The following CCDC39 variants were observed in gnomAD, a reference collection of about 807,000 sequenced individuals.
The protein encoded by CCDC39 is coiled-coil domain-containing protein 39.
A neutral mutation model predicts 121.0 loss-of-function variants in CCDC39; 113 were observed. The observed-to-expected ratio is 0.93, with a 90% CI of 0.80 to 1.09. The LOEUF (loss-of-function observed/expected upper bound fraction) is 1.09. Among genes scored for constraint, CCDC39 ranks in the 50% least tolerant of loss-of-function variants. The pLI, the probability that CCDC39 is intolerant of heterozygous loss-of-function variation, is 0.00. For synonymous variants in CCDC39, 349 were observed against 352.2 expected (o/e 0.99, Z 0.10); for missense variants, 1,063 against 1,074.7 (o/e 0.99, Z 0.15).
At chr3:180,667,779 A>T (rs1711925248) in intron 1 of CCDC39, among the ~76,000 whole-genome samples, 1 of 152,180 alleles carries the variant, frequency 6.6e-6, no homozygotes, top group Admixed American at 6.5e-5. Flanking sequence ...CAAAGTTGAC[A>T]TTGGCCAAAA....
intron 1 of CCDC39, among the ~76,000 whole-genome samples, chr3:180,668,863 A>C (rs1361886772): frequency 6.6e-6 from 1 of 152,192 alleles, no homozygotes; most frequent in Non-Finnish European, 1.5e-5. Flanking sequence ...AGGAATTACA[A>C]GAGTTTTAGA....
intron 17 of CCDC39, 23 bp downstream of exon 17, chr3:180,616,803 C>A: frequency 6.2e-7 from 1 of 1,602,502 alleles, no homozygotes; most frequent in South Asian, 1.1e-5. Flanking sequence ...TATGAAAGGT[C>A]AGTTTTTAAA....
At chr3:180,663,236 T>G (rs1440468233) in intron 2 of CCDC39, among the ~76,000 whole-genome samples, 4 of 152,180 alleles carry the variant, frequency 2.6e-5, no homozygotes, top group Non-Finnish European at 5.9e-5. Context: ...TGAGTTGTGC[T>G]GAAAAATTAA....
At position 180,616,347 on chromosome 3, in the gene CCDC39, G is replaced by A. The variant is rs1373867462; in HGVS notation, c.2603C>T (p.Pro868Leu). ...TYFQQSGLEL[P>L]TASTKGSRQS... The stretch of plus-strand genomic sequence containing the variant: ...ACGACTGCCTTTTGTGCTAGCTGTA[G>A]GTAGTTCTAACCCACTCTGGAGGAA... Residue 868 changes from proline to leucine, a missense_variant, in exon 19 of 20, where the codon CCT becomes CTT. By Grantham distance (98) the Pro-to-Leu change is moderately conservative. Transcript: ENST00000476379. 5 of 1,612,638 alleles carry A rather than the reference G, an allele frequency of 3.1e-6. No individual in the cohort carries two copies. Among genetic ancestry groups the A allele is most frequent in the Non-Finnish European group, 4.2e-6 (5 of 1,179,116 alleles).
At chr3:180,641,786 T>C (rs1303765632) in intron 13 of CCDC39, among the ~76,000 whole-genome samples, 3 of 152,264 alleles carry the variant, frequency 2.0e-5, no homozygotes, top group Admixed American at 2.0e-4. Context: ...GTGATCTTAA[T>C]GTAAAAGGGA....
intron 1 of CCDC39, among the ~76,000 whole-genome samples, chr3:180,665,799 T>C (rs1711858832): frequency 6.6e-6 from 1 of 151,922 alleles, no homozygotes; most frequent in South Asian, 2.1e-4. Flanking sequence ...CTCAGAAACA[T>C]GCCTAAGTAT....
chr3:180,646,863 C>A (rs1010449698), intron 11 of CCDC39, among the ~76,000 whole-genome samples: 4 of 151,994 alleles, frequency 2.6e-5, no homozygotes, highest in African/African-American at 9.7e-5. Context: ...AAATAAAATA[C>A]TAGAGGCATG....
intron 1 of CCDC39, among the ~76,000 whole-genome samples, chr3:180,673,663 T>C (rs1381298949): frequency 1.3e-5 from 2 of 152,140 alleles, no homozygotes; most frequent in African/African-American, 2.4e-5. Context: ...ATCTTGAAGG[T>C]AAGCCTACAC....
rs78554230 is a variant in CCDC39, at chr3:180,650,167, G to A, written c.1167+1234C>T. ...GTTCACACTTATAGTTCACTTTGAA[G>A]TTTTCAAAGACGAAGTGGTGCACCA... is the stretch of plus-strand genomic sequence containing the variant. On this transcript the variant is annotated intron_variant, in intron 9 of 19. Transcript: ENST00000476379. Among the ~76,000 whole-genome samples, 1,294 of 152,262 alleles carry A rather than the reference G, an allele frequency of 8.5e-3. 21 individuals carry two copies. The highest frequency in any genetic ancestry group is 0.03 in the African/African-American group (1,238 of 41,548).
intron 14 of CCDC39, among the ~76,000 whole-genome samples, chr3:180,627,107 T>C (rs549171182): frequency 6.6e-6 from 1 of 152,204 alleles, no homozygotes; most frequent in Non-Finnish European, 1.5e-5. Context: ...ACAGTCTGCT[T>C]ATGTGTCACT....
chr3:180,622,309 T>C (rs1717450162), intron 14 of CCDC39, among the ~76,000 whole-genome samples: 1 of 152,118 alleles, frequency 6.6e-6, no homozygotes, highest in Non-Finnish European at 1.5e-5. Context: ...AAGATTTTTT[T>C]TGGTGGAGTT....
intron 12 of CCDC39, among the ~76,000 whole-genome samples, chr3:180,643,064 A>G (rs550063152): frequency 4.0e-5 from 6 of 151,188 alleles, no homozygotes; most frequent in Non-Finnish European, 8.8e-5. Flanking sequence ...GGTTCACGCC[A>G]TTCTCCTGCC....
In CCDC39 at chr3:180,659,342, G is replaced by A. The variant is rs535088288; in HGVS notation, c.738+110C>T. 7 of 1,350,424 alleles carry A rather than the reference G, an allele frequency of 5.2e-6. No homozygotes were observed. The African/African-American group carries it at 8.7e-5, about 17-fold the overall frequency. The allele number at this position is 1,350,424 out of a possible 1,614,324, so 83.7% of individuals were successfully genotyped here. On this transcript the variant is annotated intron_variant, in intron 6 of 19. Transcript: ENST00000476379. ...ATATTTACCAAAACTACTGAATATTGCTACAAAAGTGACTTTCAAATAACA... is the reference window on the plus strand; with the variant it reads ...ATATTTACCAAAACTACTGAATATTACTACAAAAGTGACTTTCAAATAACA...
chr3:180,615,677 A>T (rs1055485461), intron 19 of CCDC39, among the ~76,000 whole-genome samples: 4 of 152,168 alleles, frequency 2.6e-5, no homozygotes, highest in African/African-American at 9.7e-5. Flanking sequence ...TTTAATAAGT[A>T]GCTGCTGAAT....
intron 13 of CCDC39, among the ~76,000 whole-genome samples, chr3:180,636,441 C>G (rs545040672): frequency 1.0e-4 from 15 of 150,726 alleles, no homozygotes; most frequent in African/African-American, 3.4e-4. Flanking sequence ...AAACACTGTT[C>G]AAGGAAATCA....
intron 14 of CCDC39, among the ~76,000 whole-genome samples, chr3:180,628,633 G>A (rs1576935901): frequency 6.6e-6 from 1 of 152,118 alleles, no homozygotes; most frequent in African/African-American, 2.4e-5. Context: ...AGACTTTATG[G>A]GCCATTCAGT....
At chr3:180,658,002 G>A (rs1711625552) in intron 6 of CCDC39, among the ~76,000 whole-genome samples, 1 of 152,070 alleles carries the variant, frequency 6.6e-6, no homozygotes, top group African/African-American at 2.4e-5. Context: ...CACTTTGGGA[G>A]GCGGGTGGAT....
chr3:180,663,864 T>C lies in CCDC39; in HGVS notation c.210+3A>G. 1 of 1,611,780 alleles carries C rather than the reference T, an allele frequency of 6.2e-7. No homozygotes were observed. The stretch of plus-strand genomic sequence containing the variant: ...TAATCAACATAAATTTCAGTTACTG[T>C]ACCTGTGTAATTGAGAGCTCTTGCT... On this transcript the variant is annotated splice_donor_region_variant and intron_variant, in intron 2 of 19. Transcript: ENST00000476379.
intron 14 of CCDC39, among the ~76,000 whole-genome samples, chr3:180,623,085 T>TTAC (rs1415487112): frequency 6.1e-5 from 6 of 98,798 alleles, no homozygotes; most frequent in Admixed American, 5.7e-4. Context: ...ATTTTTATTA[T>TTAC]TATTATTATT....
Sources: allele counts gnomAD v4.1 joint callset (sites outside exome capture counted in the v4.1 genomes callset), GRCh38; gene constraint gnomAD v4.1.1; transcripts MANE v1.5; gene names NCBI Gene and HGNC (gene_info 2026-07-23, HGNC 2026-07-21).